Variants in DAB1 observed in about 807,000 individuals in gnomAD.
The protein encoded by DAB1 is disabled homolog 1.
Under a neutral mutation model 64.6 loss-of-function variants are expected in DAB1, and 15 were observed. That is an observed-to-expected ratio of 0.23 (90% CI 0.16 to 0.36). DAB1 has a LOEUF of 0.36. DAB1 is among the 10% of genes least tolerant of loss of function. The pLI is 1.00. For missense variants in DAB1, 596 were observed against 706.7 expected, an observed-to-expected ratio of 0.84 and a Z score of 1.78; for synonymous variants, 235 against 251.9, an observed-to-expected ratio of 0.93 and a Z score of 0.64.
intron 6 of DAB1, among the ~76,000 whole-genome samples, chr1:57,754,404 G>A (rs947735116): frequency 6.6e-6 from 1 of 151,512 alleles, no homozygotes; most frequent in Non-Finnish European, 1.5e-5. Flanking sequence ...ATTGAGACTC[G>A]GCTGGGCACG....
At position 58,358,579 on chromosome 1, in the gene DAB1, C is replaced by A. The variant is rs1467161895; in HGVS notation, n.258-15176G>T. Among the ~76,000 whole-genome samples the A allele has an allele frequency of 3.9e-5, 6 of 152,054 alleles. No individual in the cohort carries two copies. The South Asian group carries it at 8.3e-4, about 21-fold the overall frequency. On this transcript the variant is annotated intron_variant and non_coding_transcript_variant, in intron 3 of 20. Transcript: ENST00000485760. The stretch of plus-strand genomic sequence containing the variant: ...ATTGCATCTTGCTTACTCCTCAGCT[C>A]GAAGACAGAAAAGAAACAGAAGGTG...
At chr1:57,418,727 T>A (rs1684680934) in intron 1 of DAB1, among the ~76,000 whole-genome samples, 1 of 152,176 alleles carries the variant, frequency 6.6e-6, no homozygotes, top group South Asian at 2.1e-4. Flanking sequence ...CATTGCAGAT[T>A]GGTTATATGT....
intron 7 of DAB1, among the ~76,000 whole-genome samples, chr1:57,583,270 T>A (rs921155179): frequency 6.6e-6 from 1 of 150,758 alleles, no homozygotes; most frequent in African/African-American, 2.4e-5. Context: ...TGAGCCTCGG[T>A]TTCTTGTTTT....
intron 6 of DAB1, among the ~76,000 whole-genome samples, chr1:57,752,989 A>T (rs147371421): frequency 3.9e-5 from 6 of 152,318 alleles, no homozygotes; most frequent in Admixed American, 2.0e-4. Context: ...GATTACAAGC[A>T]AAAGGGTAAT....
intron 1 of DAB1, among the ~76,000 whole-genome samples, chr1:57,881,649 T>C (rs1282229756): frequency 1.3e-5 from 2 of 152,144 alleles, no homozygotes; most frequent in East Asian, 3.9e-4. Flanking sequence ...TCAACAAATA[T>C]CAGCCCCTTT....
At chr1:57,912,892 TG>T (rs1238768484) in intron 5 of DAB1, among the ~76,000 whole-genome samples, 1 of 152,176 alleles carries the variant, frequency 6.6e-6, no homozygotes, top group African/African-American at 2.4e-5. Flanking sequence ...ACAAGGGATG[TG>T]AAGGACCTCT....
intron 1 of DAB1, chr1:58,530,877 G>T (rs115934660): frequency 6.9e-6 from 4 of 576,416 alleles, no homozygotes; most frequent in Middle Eastern, 4.2e-4. Context: ...TATTCTTTCC[G>T]GGTCTGTTTT....
intron 1 of DAB1, among the ~76,000 whole-genome samples, chr1:57,327,783 C>G (rs267648): frequency 6.6e-6 from 1 of 152,078 alleles, no homozygotes; most frequent in Non-Finnish European, 1.5e-5. Context: ...GAGATTTGAG[C>G]GGCCAAATCA....
chr1:57,543,657 A>G (rs1222841748), intron 7 of DAB1, among the ~76,000 whole-genome samples: 2 of 152,216 alleles, frequency 1.3e-5, no homozygotes, highest in Non-Finnish European at 2.9e-5. Flanking sequence ...AGAAGATTCC[A>G]TGGGGAAGGT....
intron 4 of DAB1, among the ~76,000 whole-genome samples, chr1:58,274,663 G>A (rs1271972455): frequency 1.3e-5 from 2 of 152,222 alleles, no homozygotes; most frequent in South Asian, 2.1e-4. Context: ...GCGAGATTCC[G>A]TGGGCGTAGG....
intron 1 of DAB1, among the ~76,000 whole-genome samples, chr1:57,371,179 G>A (rs570149378): frequency 7.4e-4 from 112 of 152,188 alleles, no homozygotes; most frequent in Non-Finnish European, 1.1e-3. Flanking sequence ...AAGACCAGAC[G>A]GGGGACCTGG....
At chr1:57,095,095 G>C (rs914603536) in intron 4 of DAB1, among the ~76,000 whole-genome samples, 2 of 152,126 alleles carry the variant, frequency 1.3e-5, no homozygotes, top group Non-Finnish European at 2.9e-5. Context: ...CTCTCCTTCA[G>C]GCTGGGTTGA....
At chr1:58,540,559 C>A (rs1052032437) in intron 1 of DAB1, among the ~76,000 whole-genome samples, 2 of 149,862 alleles carry the variant, frequency 1.3e-5, no homozygotes, top group Non-Finnish European at 3.0e-5. Context: ...CTTTAAAAGA[C>A]CTAAACTTTT....
At chr1:58,454,146 C>T (rs551979608) in intron 3 of DAB1, among the ~76,000 whole-genome samples, 1 of 152,128 alleles carries the variant, frequency 6.6e-6, no homozygotes, top group Non-Finnish European at 1.5e-5. Context: ...CACCTCTGGC[C>T]CAATTAGCAA....
intron 6 of DAB1, among the ~76,000 whole-genome samples, chr1:57,768,175 T>TTAAA (rs1553127303): frequency 3.1e-5 from 3 of 96,800 alleles, no homozygotes; most frequent in African/African-American, 1.2e-4. Flanking sequence ...AGAATCTGTC[T>TTAAA]AAAAAAAAAA....
intron 2 of DAB1, among the ~76,000 whole-genome samples, chr1:57,161,915 T>A (rs964301065): frequency 2.0e-5 from 3 of 152,196 alleles, no homozygotes; most frequent in African/African-American, 7.2e-5. Context: ...CAGCGTAAAT[T>A]ATATATGTTT....
chr1:57,220,202 A>T (rs185556032), intron 2 of DAB1, among the ~76,000 whole-genome samples: 49 of 152,294 alleles, frequency 3.2e-4, no homozygotes, highest in Admixed American at 6.5e-4. Context: ...AAGTCCTTTG[A>T]GGGGTTCATT....
chr1:58,267,762 G>A (rs569767251), intron 4 of DAB1, among the ~76,000 whole-genome samples: 4 of 152,234 alleles, frequency 2.6e-5, no homozygotes, highest in East Asian at 1.9e-4. Context: ...TTAACCCAAC[G>A]ATGAAATCAT....
chr1:58,504,307 T>C (rs578066066), intron 3 of DAB1, among the ~76,000 whole-genome samples: 2 of 152,352 alleles, frequency 1.3e-5, no homozygotes, highest in South Asian at 4.1e-4. Context: ...TTGCTATTCC[T>C]TGAACACATC....
Sources: gnomAD v4.1 joint callset for allele counts (sites outside exome capture counted in the v4.1 genomes callset) on GRCh38, gnomAD v4.1.1 for gene constraint, MANE v1.5 for transcripts, NCBI Gene and HGNC (gene_info 2026-07-23, HGNC 2026-07-21) for gene names.